The following CCDC102B variants were observed in gnomAD, a reference collection of about 807,000 sequenced individuals.
The protein encoded by CCDC102B is coiled-coil domain-containing protein 102B.
CCDC102B carries 75 observed loss-of-function variants against 57.4 expected under a neutral mutation model. The ratio of observed to expected loss-of-function variants is 1.31; its 90% CI spans 1.08 to 1.58. The LOEUF (loss-of-function observed/expected upper bound fraction) is 1.58, where lower values mean the gene tolerates loss of function less well. Ranked by LOEUF, CCDC102B falls within the 40% of genes most tolerant of loss-of-function variation. The pLI is 0.00. For missense variants in CCDC102B, 636 were observed against 582.6 expected (o/e 1.09, Z -0.94); for synonymous variants, 206 against 201.9 (o/e 1.02, Z -0.17).
intron 7 of CCDC102B, among the ~76,000 whole-genome samples, chr18:69,030,792 C>G (rs1323946975): frequency 6.6e-6 from 1 of 152,086 alleles, no homozygotes; most frequent in Non-Finnish European, 1.5e-5. Context: ...GTAGCTGGGA[C>G]TACAGGTGTA....
At chr18:68,784,391 G>T (rs1568248094) in intron 2 of CCDC102B, among the ~76,000 whole-genome samples, 1 of 151,994 alleles carries the variant, frequency 6.6e-6, no homozygotes, top group Non-Finnish European at 1.5e-5. Context: ...CAAGGGGATG[G>T]TTGTAAACCA....
At chr18:68,881,102 G>A (rs2039679359) in intron 5 of CCDC102B, among the ~76,000 whole-genome samples, 1 of 152,196 alleles carries the variant, frequency 6.6e-6, no homozygotes, top group African/African-American at 2.4e-5. Context: ...AAACAATTAT[G>A]CTTTGCAATT....
intron 7 of CCDC102B, among the ~76,000 whole-genome samples, chr18:69,017,670 A>T (rs182253265): frequency 7.2e-5 from 11 of 152,290 alleles, no homozygotes; most frequent in African/African-American, 2.6e-4. Flanking sequence ...AACACCTAAG[A>T]TCTACTCTAA....
chr18:68,967,328 C>CA (rs36094088), intron 6 of CCDC102B, among the ~76,000 whole-genome samples: 1 of 152,004 alleles, frequency 6.6e-6, no homozygotes, highest in Non-Finnish European at 1.5e-5. Flanking sequence ...AATATAACCT[C>CA]AAAAAATAAC....
At chr18:69,003,439 A>G (rs575518562) in intron 6 of CCDC102B, among the ~76,000 whole-genome samples, 2 of 152,090 alleles carry the variant, frequency 1.3e-5, no homozygotes, top group South Asian at 2.1e-4. Context: ...CTTCTCCTCA[A>G]CTCTCTACCC....
At chr18:69,046,390 G>A (rs369788496) in intron 7 of CCDC102B, among the ~76,000 whole-genome samples, 1 of 152,070 alleles carries the variant, frequency 6.6e-6, no homozygotes, top group African/African-American at 2.4e-5. Flanking sequence ...ATGCATGAAT[G>A]TCTTCTTTTG....
At chr18:68,797,851 G>A (rs922673658), upstream of CCDC102B, among the ~76,000 whole-genome samples, 1 of 150,860 alleles carries the variant, frequency 6.6e-6, no homozygotes, top group Non-Finnish European at 1.5e-5. Context: ...GTGGATCAAG[G>A]CGTGGGTGTC....
At chr18:69,012,172 G>A (rs1051118611) in intron 7 of CCDC102B, among the ~76,000 whole-genome samples, 3 of 152,058 alleles carry the variant, frequency 2.0e-5, no homozygotes, top group African/African-American at 7.2e-5. Context: ...TAAGTTGGAA[G>A]GGGAATATAG....
At chr18:68,939,189 T>C (rs2049318490) in intron 6 of CCDC102B, among the ~76,000 whole-genome samples, 1 of 151,826 alleles carries the variant, frequency 6.6e-6, no homozygotes, top group Non-Finnish European at 1.5e-5. Flanking sequence ...GTTATCTCAG[T>C]AAGCAACTGA....
chr18:68,803,629 G>C (rs72958054), intron 1 of CCDC102B, among the ~76,000 whole-genome samples: 21,298 of 152,190 alleles, frequency 0.14, 1,615 homozygotes, highest in East Asian at 0.3. Flanking sequence ...GCGAGGCAGG[G>C]AGGCACAGGC....
chr18:69,019,275 T>C (rs1260309861), intron 7 of CCDC102B, among the ~76,000 whole-genome samples: 1 of 152,106 alleles, frequency 6.6e-6, no homozygotes, highest in East Asian at 1.9e-4. Context: ...AGGTATTGTA[T>C]TGAATCTGCA....
At chr18:69,056,329 AAAC>A (rs2052814288), downstream of CCDC102B, among the ~76,000 whole-genome samples, 1 of 152,056 alleles carries the variant, frequency 6.6e-6, no homozygotes, top group Admixed American at 6.6e-5. Flanking sequence ...AACTTAATGA[AAAC>A]AACAATGATT....
intron 6 of CCDC102B, among the ~76,000 whole-genome samples, chr18:68,940,991 A>G (rs1461012202): frequency 6.6e-6 from 1 of 151,880 alleles, no homozygotes; most frequent in Non-Finnish European, 1.5e-5. Context: ...AAAATCAACA[A>G]TCCTGACTTG....
At chr18:68,731,590 G>A (rs1322551119) in intron 2 of CCDC102B, among the ~76,000 whole-genome samples, 1 of 151,430 alleles carries the variant, frequency 6.6e-6, no homozygotes, top group African/African-American at 2.4e-5. Context: ...TCATTTTAGT[G>A]GCCAGAGGGA....
intron 6 of CCDC102B, chr18:68,908,281 A>G (rs914986092): frequency 6.6e-6 from 1 of 152,120 alleles, no homozygotes; most frequent in Admixed American, 6.5e-5. Flanking sequence ...GGGTCAGGGT[A>G]ATGCTAGACG....
At chr18:68,942,123 G>A (rs2049394650) in intron 6 of CCDC102B, among the ~76,000 whole-genome samples, 1 of 152,094 alleles carries the variant, frequency 6.6e-6, no homozygotes, top group Admixed American at 6.6e-5. Context: ...TTAAGAGTCA[G>A]AAATTAATTT....
intron 7 of CCDC102B, among the ~76,000 whole-genome samples, chr18:69,028,979 T>G (rs1179803322): frequency 2.0e-5 from 3 of 152,170 alleles, no homozygotes; most frequent in African/African-American, 7.2e-5. Flanking sequence ...TTAGTTTATA[T>G]TTCCTCAAAT....
At chr18:68,873,934 A>T (rs572745444) in intron 4 of CCDC102B, among the ~76,000 whole-genome samples, 4 of 151,850 alleles carry the variant, frequency 2.6e-5, no homozygotes, top group Admixed American at 1.3e-4. Flanking sequence ...ATATATGTCA[A>T]TACAACAAAA....
At chr18:69,019,538 G>A (rs1216202428) in intron 7 of CCDC102B, among the ~76,000 whole-genome samples, 2 of 151,924 alleles carry the variant, frequency 1.3e-5, no homozygotes, top group Non-Finnish European at 2.9e-5. Context: ...GTTTGTTTTT[G>A]GTGCTAGAAA....
Sources: gnomAD v4.1 joint callset for allele counts (sites outside exome capture counted in the v4.1 genomes callset) on GRCh38, gnomAD v4.1.1 for gene constraint, MANE v1.5 for transcripts, NCBI Gene and HGNC (gene_info 2026-07-23, HGNC 2026-07-21) for gene names.